The following PKNOX1 variants were observed in gnomAD, a reference collection of about 807,000 sequenced individuals.
PKNOX1 encodes the protein homeobox protein PKNOX1.
Under a neutral mutation model 51.9 loss-of-function variants are expected in PKNOX1, and 15 were observed. The observed-to-expected ratio is 0.29, with a 90% CI of 0.19 to 0.45. The LOEUF is 0.45. Ranked by LOEUF, PKNOX1 falls within the 20% of genes least tolerant of loss-of-function variation. The probability of loss-of-function intolerance (pLI) is 1.00; values close to 1 mark genes in which losing one functional copy is unlikely to be tolerated. For missense variants in PKNOX1, 462 were observed against 547.5 expected (o/e 0.84, Z 1.56); for synonymous variants, 219 against 211.1 (o/e 1.04, Z -0.32).
Position 43,004,771 on chromosome 21 carries a change from T to TCTG in PKNOX1, c.51+340_51+342dup, listed in dbSNP as rs576295208. On this transcript the variant is annotated intron_variant, in intron 2 of 10. Coordinates refer to ENST00000291547, the MANE Select transcript of PKNOX1 (RefSeq NM_004571.5). ...GATTCCCATGTTGACTGGTGGCTCTTCTGAGTGTCTAACTGGATCAGCTTT... is the reference window on the plus strand; with the variant it reads ...GATTCCCATGTTGACTGGTGGCTCTTCTGCTGAGTGTCTAACTGGATCAGCTTT... 7.1e-3 allele frequency among the ~76,000 whole-genome samples: 1,079 copies of TCTG among 152,332 alleles called. 10 individuals are homozygous for TCTG. Among genetic ancestry groups the TCTG allele is most frequent in the Middle Eastern group, 0.041 (12 of 294 alleles).
At chr21:42,978,486 C>CTTTTTTTTTTT (rs200084508) in intron 1 of PKNOX1, among the ~76,000 whole-genome samples, 3 of 124,882 alleles carry the variant, frequency 2.4e-5, no homozygotes, top group Non-Finnish European at 3.4e-5. Context: ...CTTTTCTTTT[C>CTTTTTTTTTTT]TTTTTTTTTT....
At chr21:42,987,398 A>T (rs1336607968) in intron 1 of PKNOX1, among the ~76,000 whole-genome samples, 79 of 91,772 alleles carry the variant, frequency 8.6e-4, no homozygotes, top group African/African-American at 3.4e-3. Context: ...AAAAAAAAAA[A>T]AAAAAAATAT....
Position 43,013,243 on chromosome 21 carries a change from T to A in PKNOX1, c.522+5T>A, listed in dbSNP as rs1227866688. On this transcript the variant is annotated splice_donor_5th_base_variant and intron_variant, in intron 5 of 10. Transcript: ENST00000291547. ...TACTCACCAGTGCAGTCCCAGGTAC[T>A]TACATTTGGGGGTCTCGCTTTCCCT... The A allele has an allele frequency of 1.3e-6, 2 of 1,570,308 alleles. No individual in the cohort carries two copies. The highest frequency in any genetic ancestry group is 1.7e-6 in the Non-Finnish European group (2 of 1,155,048).
At chr21:42,978,791 GT>G (rs71195903) in intron 1 of PKNOX1, among the ~76,000 whole-genome samples, 5,789 of 150,540 alleles carry the variant, frequency 0.038, 143 homozygotes, top group Middle Eastern at 0.062. Context: ...GCCCTTTTTT[GT>G]TTTTTTTTAA....
At chr21:42,988,203 A>G (rs1241523866) in intron 1 of PKNOX1, among the ~76,000 whole-genome samples, 1 of 151,948 alleles carries the variant, frequency 6.6e-6, no homozygotes, top group Non-Finnish European at 1.5e-5. Flanking sequence ...GGCGCGTGCC[A>G]CCACACCCAG....
In PKNOX1 at chr21:43,019,422, C is replaced by A. The variant is rs1289187076; in HGVS notation, c.720+1192C>A. Among the ~76,000 whole-genome samples, 51 of 111,540 alleles carry A rather than the reference C, an allele frequency of 4.6e-4. 1 individual carries two copies. The South Asian group carries it at 4.9e-3, about 11-fold the overall frequency. The allele number at this position is 111,540 out of a possible 152,430, so 73.2% of individuals were successfully genotyped here. A position where few individuals can be genotyped will look rare whatever the true frequency, so the allele number is the denominator to read the frequency against. On this transcript the variant is annotated intron_variant, in intron 7 of 10. Transcript: ENST00000291547. ...AAATAAAATAAACAAAAAAAAAACACACATTTTTTTGAGACTTTGCAAACC... is the reference window on the plus strand; with the variant it reads ...AAATAAAATAAACAAAAAAAAAACAAACATTTTTTTGAGACTTTGCAAACC...
intron 8 of PKNOX1, 42 bp from the exon 9 acceptor site, chr21:43,024,829 G>C (rs753797680): frequency 3.9e-6 from 5 of 1,282,030 alleles, no homozygotes; most frequent in Non-Finnish European, 1.1e-6. Flanking sequence ...GATTTCCTTT[G>C]TAAACTCGAA....
intron 1 of PKNOX1, among the ~76,000 whole-genome samples, chr21:42,975,241 G>C (rs1366259935): frequency 2.0e-5 from 3 of 149,688 alleles, no homozygotes; most frequent in Non-Finnish European, 4.5e-5. Context: ...GATGGCGGCC[G>C]CGACCCCGGC....
rs920837839 is a variant in PKNOX1, at chr21:43,031,166, T to C, written c.*1065T>C. The stretch of plus-strand genomic sequence containing the variant: ...TGTTTTAAAAGTTTTAACTTCAAAA[T>C]ATGTTATGCACAGAATGTTTATTAT... On this transcript the variant is annotated 3_prime_UTR_variant, in exon 11 of 11. Coordinates refer to ENST00000291547, the MANE Select transcript of PKNOX1 (RefSeq NM_004571.5). The C allele has an allele frequency of 1.0e-4, 16 of 152,786 alleles. No individual in the cohort carries two copies. Among genetic ancestry groups the C allele is most frequent in the African/African-American group, 3.1e-4 (13 of 41,574 alleles). 9.5% of individuals were successfully genotyped at this position (152,786 alleles called of 1,614,324 possible). A position where few individuals can be genotyped will look rare whatever the true frequency, so the allele number is the denominator to read the frequency against.
intron 9 of PKNOX1, among the ~76,000 whole-genome samples, chr21:43,025,860 G>A (rs1979965000): frequency 6.6e-6 from 1 of 152,310 alleles, no homozygotes; most frequent in Middle Eastern, 3.4e-3. Flanking sequence ...TGTGCGGGAG[G>A]TATGCTTCGG....
chr21:43,007,721 G>A (rs1287861741), intron 3 of PKNOX1, 103 bp downstream of exon 3: 4 of 1,306,988 alleles, frequency 3.1e-6, no homozygotes, highest in Non-Finnish European at 4.4e-6. Context: ...GAGTTGTGAG[G>A]TGCCATTATG....
chr21:43,007,345 C>A, intron 2 of PKNOX1, 146 bp from the exon 3 acceptor site: 1 of 705,908 alleles, frequency 1.4e-6, no homozygotes, highest in South Asian at 1.8e-5. Flanking sequence ...AAATTCAAAG[C>A]TGTTTTGTTG....
chr21:42,999,251 G>C (rs1418786579), intron 1 of PKNOX1, among the ~76,000 whole-genome samples: 3 of 152,226 alleles, frequency 2.0e-5, no homozygotes, highest in Non-Finnish European at 4.4e-5. Flanking sequence ...CTGGGATGCA[G>C]GGCACCAAGT....
intron 8 of PKNOX1, among the ~76,000 whole-genome samples, chr21:43,023,916 A>G (rs914716330): frequency 2.2e-5 from 3 of 136,926 alleles, no homozygotes; most frequent in African/African-American, 8.2e-5. Context: ...ACCTGGCCAG[A>G]TTTTTTTTTT....
At chr21:43,027,588 C>T (rs571013404) in intron 9 of PKNOX1, among the ~76,000 whole-genome samples, 1 of 152,318 alleles carries the variant, frequency 6.6e-6, no homozygotes, top group Non-Finnish European at 1.5e-5. Flanking sequence ...CTATCATACT[C>T]ATTTGATATG....
At chr21:42,987,404 A>ATATAT (rs1555858104) in intron 1 of PKNOX1, among the ~76,000 whole-genome samples, 2 of 41,410 alleles carry the variant, frequency 4.8e-5, no homozygotes, top group Admixed American at 3.1e-4. Context: ...AAAAAAAAAA[A>ATATAT]ATATATATAT....
At chr21:43,018,276 A>C (rs751543451) in intron 7 of PKNOX1, 46 bp downstream of exon 7, 3 of 1,154,660 alleles carry the variant, frequency 2.6e-6, no homozygotes, top group Non-Finnish European at 3.9e-6. Flanking sequence ...AGTGCTGCCC[A>C]CATAGGGGCA....
At chr21:43,001,097 G>A (rs1253599484) in intron 1 of PKNOX1, among the ~76,000 whole-genome samples, 2 of 152,202 alleles carry the variant, frequency 1.3e-5, no homozygotes, top group Non-Finnish European at 2.9e-5. Context: ...TCAAGGCGGA[G>A]TCCTGTTAGG....
chr21:42,975,109 C>G (rs1295516635), intron 1 of PKNOX1, among the ~76,000 whole-genome samples: 1 of 141,942 alleles, frequency 7.0e-6, no homozygotes, highest in African/African-American at 2.5e-5. Context: ...CGGGGGCGCG[C>G]GGCGGGGCGG....
Sources: allele counts gnomAD v4.1 joint callset (sites outside exome capture counted in the v4.1 genomes callset), GRCh38; gene constraint gnomAD v4.1.1; transcripts MANE v1.5; gene names NCBI Gene and HGNC (gene_info 2026-07-23, HGNC 2026-07-21).